The following AKAP8 variants were observed in gnomAD, a reference collection of about 807,000 sequenced individuals.
AKAP8 encodes the protein A-kinase anchor protein 8.
In AKAP8, 24 loss-of-function variants were observed where a neutral mutation model predicts 67.5. The observed-to-expected ratio is 0.36, with a 90% CI of 0.26 to 0.50. AKAP8 has a LOEUF of 0.50. Among genes scored for constraint, AKAP8 ranks in the 20% least tolerant of loss-of-function variants. The pLI is 0.97. For missense variants in AKAP8, 971 were observed against 955.9 expected (o/e 1.02, Z -0.21); for synonymous variants, 400 against 371.1 (o/e 1.08, Z -0.90).
In AKAP8 at chr19:15,354,925, G is replaced by A. The variant is rs765056046; in HGVS notation, c.2069C>T (p.Pro690Leu). Residue 690 changes from proline (P) to leucine (L), a missense_variant, in exon 14 of 14, where the codon CCC (proline) becomes CTC (leucine). Around this residue, in one of 3 missense-constraint regions of AKAP8, gnomAD observed 204 missense variants for 193.0 expected, o/e 1.06. Transcript: ENST00000269701. ...ACAGGGAAATGAGCATCATTCTGTGGGAACAGCGTCTTTAGACTCTGCATC... is the reference window on the plus strand; with the variant it reads ...ACAGGGAAATGAGCATCATTCTGTGAGAACAGCGTCTTTAGACTCTGCATC... ...QTDAESKDAV[P>L]TE 6.2e-7 allele frequency: 1 copy of A among 1,613,550 alleles called. No individual in the cohort carries two copies. The highest frequency in any genetic ancestry group is 8.5e-7 in the Non-Finnish European group (1 of 1,179,646).
chr19:15,366,084 TTC>T (rs374502491), intron 9 of AKAP8, among the ~76,000 whole-genome samples: 9 of 63,956 alleles, frequency 1.4e-4, no homozygotes, highest in East Asian at 1.0e-3. Context: ...CTCTGAAGGT[TTC>T]TTTTTTTTTT....
chr19:15,364,158 CTTTT>C (rs34132091), intron 9 of AKAP8, among the ~76,000 whole-genome samples: 3 of 42,558 alleles, frequency 7.0e-5, no homozygotes, highest in African/African-American at 2.0e-4. Flanking sequence ...TTTTTCTTTC[CTTTT>C]TTTTTTTTTT....
intron 13 of AKAP8, 105 bp downstream of exon 13, chr19:15,358,862 G>A: frequency 9.6e-7 from 1 of 1,044,196 alleles, no homozygotes; most frequent in African/African-American, 1.6e-5. Context: ...ACTGTCAAAA[G>A]ACTCAGAAAT....
intron 1 of AKAP8, chr19:15,379,508 G>A (rs1344640924): frequency 5.8e-6 from 3 of 515,826 alleles, no homozygotes; most frequent in East Asian, 7.2e-5. Context: ...TCGGGGCCTG[G>A]CGGCCAATCC....
intron 13 of AKAP8, among the ~76,000 whole-genome samples, chr19:15,357,211 G>A (rs1050995696): frequency 1.4e-4 from 21 of 150,860 alleles, no homozygotes; most frequent in Non-Finnish European, 2.4e-4. Context: ...CACCCGCCTC[G>A]GCCTCCCAAA....
intron 8 of AKAP8, chr19:15,368,895 C>T (rs904994682): frequency 1.5e-5 from 15 of 985,164 alleles, no homozygotes; most frequent in South Asian, 4.7e-5. Flanking sequence ...CCCAGGGCTG[C>T]GTGGGAAGCA....
In AKAP8 at chr19:15,370,625, C is replaced by CTTTTTTTTT. The variant is rs71176407; in HGVS notation, c.1039-455_1039-447dup. 1.6e-4 allele frequency among the ~76,000 whole-genome samples: 13 copies of CTTTTTTTTT among 80,966 alleles called. 1 individual carries two copies. Among genetic ancestry groups the CTTTTTTTTT allele is most frequent in the East Asian group, 8.3e-4 (2 of 2,416 alleles). 53.1% of individuals were successfully genotyped at this position (80,966 alleles called of 152,430 possible). Reference sequence around the variant, plus strand: ...GCTTTTGTTTATATTTACCCAATGTCTTTTTTTTTTTTTTTTTTTTTTTTG... The same window carrying CTTTTTTTTT: ...GCTTTTGTTTATATTTACCCAATGTCTTTTTTTTTTTTTTTTTTTTTTTTTTTTTTTTTG... On this transcript the variant is annotated intron_variant, in intron 7 of 13. Transcript: ENST00000269701.
chr19:15,363,887 C>T (rs1020666615), intron 9 of AKAP8, among the ~76,000 whole-genome samples: 3 of 151,226 alleles, frequency 2.0e-5, no homozygotes, highest in African/African-American at 4.9e-5. Flanking sequence ...GAAACATGTG[C>T]TGTGTCCACT....
chr19:15,374,508 G>A (rs1344916026), intron 3 of AKAP8, 95 bp downstream of exon 3: 7 of 1,442,242 alleles, frequency 4.9e-6, no homozygotes, highest in Non-Finnish European at 4.7e-6. Context: ...GAGCCAGAAA[G>A]TCCACGCCAG....
chr19:15,362,274 G>T (rs1555754083), intron 9 of AKAP8, 23 bp from the exon 10 acceptor site: 2 of 1,613,576 alleles, frequency 1.2e-6, no homozygotes, highest in South Asian at 2.2e-5. Flanking sequence ...AACAAGGAGG[G>T]GAGTGAAGCA....
intron 11 of AKAP8, chr19:15,361,471 C>T: frequency 2.7e-6 from 1 of 367,520 alleles, no homozygotes; most frequent in Non-Finnish European, 5.1e-6. Flanking sequence ...CTGCCTCAGC[C>T]TCCCAAGTAG....
chr19:15,378,400 T>A (rs1236817219), intron 1 of AKAP8, among the ~76,000 whole-genome samples: 1 of 151,796 alleles, frequency 6.6e-6, no homozygotes, highest in Non-Finnish European at 1.5e-5. Flanking sequence ...CTTAACTATC[T>A]CCAGTGTGTC....
rs1333709751 is a variant in AKAP8, at chr19:15,374,167, CG to C, written c.92-103del. On this transcript the variant is annotated intron_variant, in intron 3 of 13. Coordinates refer to ENST00000269701, the MANE Select transcript of AKAP8 (RefSeq NM_005858.4). ...CACCCGCTGCCACGGAGAAGGAAAACGGGTGTGGGACCCAGTGCTGCTGGCA... is the reference window on the plus strand; with the variant it reads ...CACCCGCTGCCACGGAGAAGGAAAACGGTGTGGGACCCAGTGCTGCTGGCA... 17 of 1,360,194 alleles carry C rather than the reference CG, an allele frequency of 1.2e-5. No homozygotes were observed. The Admixed American group carries it at 4.3e-4, about 34-fold the overall frequency. 84.3% of individuals were successfully genotyped at this position (1,360,194 alleles called of 1,614,324 possible). A position where few individuals can be genotyped will look rare whatever the true frequency, so the allele number is the denominator to read the frequency against.
intron 7 of AKAP8, among the ~76,000 whole-genome samples, chr19:15,371,356 G>A (rs778276789): frequency 2.6e-5 from 4 of 152,202 alleles, no homozygotes; most frequent in Non-Finnish European, 4.4e-5. Context: ...CACCCGGCAC[G>A]GAGCTGGCGG....
At chr19:15,368,131 G>C (rs1221707545) in intron 9 of AKAP8, 104 bp downstream of exon 9, 3 of 1,489,412 alleles carry the variant, frequency 2.0e-6, no homozygotes, top group East Asian at 2.3e-5. Flanking sequence ...AGAGGAGTCA[G>C]GCCACCAGGC....
chr19:15,363,585 C>T (rs1433512684), intron 9 of AKAP8, among the ~76,000 whole-genome samples: 4 of 150,358 alleles, frequency 2.7e-5, no homozygotes, highest in African/African-American at 4.9e-5. Flanking sequence ...AGGTGAGGGG[C>T]GCCTCTGCCC....
rs562288447 is a variant in AKAP8, at chr19:15,369,330, G to C, written c.1072+816C>G. ...GCTGCGGGTCGCGGGGGGGAGGACC[G>C]CAGAGGGCTGGCAAAGCCTGAACAG... On this transcript the variant is annotated intron_variant, in intron 8 of 13. Coordinates refer to ENST00000269701, the MANE Select transcript of AKAP8 (RefSeq NM_005858.4). This position sits in a 1 kb window ranked among gnomAD's most constrained non-coding sequence, Gnocchi z 4.6. 1.1e-6 allele frequency: 1 copy of C among 914,048 alleles called. No individual in the cohort carries two copies. Among genetic ancestry groups the C allele is most frequent in the African/African-American group, 1.8e-5 (1 of 55,712 alleles). 56.6% of individuals were successfully genotyped at this position (914,048 alleles called of 1,614,324 possible).
Position 15,362,093 on chromosome 19 carries a change from G to A in AKAP8, c.1302+17C>T, listed in dbSNP as rs375685810. 6.2e-6 allele frequency: 10 copies of A among 1,612,988 alleles called. No homozygotes were observed. The highest frequency in any genetic ancestry group is 2.2e-5 in the East Asian group (1 of 44,890). On this transcript the variant is annotated intron_variant, in intron 10 of 13. Coordinates refer to ENST00000269701, the MANE Select transcript of AKAP8 (RefSeq NM_005858.4). Reference sequence around the variant, plus strand: ...GATGGGCAAGAGACGCGGTGACGGGGCCCAGGTTTCCTTTACCTGGAGGAA... The same window carrying A: ...GATGGGCAAGAGACGCGGTGACGGGACCCAGGTTTCCTTTACCTGGAGGAA...
In AKAP8 at chr19:15,372,910, C is replaced by T. The variant is rs1359501907; in HGVS notation, c.802G>A (p.Asp268Asn). The T allele has an allele frequency of 6.6e-7, 1 of 1,520,108 alleles. No homozygotes were observed. The highest frequency in any genetic ancestry group is 8.8e-7 in the Non-Finnish European group (1 of 1,134,758). The allele number at this position is 1,520,108 out of a possible 1,614,324, so 94.2% of individuals were successfully genotyped here. The change falls in exon 5 of 14, where the codon GAC (aspartate) becomes AAC (asparagine). Residue 268 changes from aspartate (D) to asparagine (N), a missense_variant. Asp to Asn is a conservative substitution (Grantham distance 23, BLOSUM62 1). This residue lies in a region of AKAP8 where 763 missense variants were observed against 745.4 expected (regional missense o/e 1.02). Transcript: ENST00000269701. ...VMGMQGAGGY[D>N]STMPYGCGRS... Reference sequence around the variant, plus strand: ...CCACATCCGTAGGGCATGGTGCTGTCATAGCCGCCCGCCCCCTGCATGCCC... The same window carrying T: ...CCACATCCGTAGGGCATGGTGCTGTTATAGCCGCCCGCCCCCTGCATGCCC...
Sources: gnomAD v4.1 joint callset for allele counts (sites outside exome capture counted in the v4.1 genomes callset) on GRCh38, gnomAD v4.1.1 for gene constraint, gnomAD v4.1.1 regional missense constraint, Gnocchi (gnomAD v3.1) non-coding constraint, MANE v1.5 for transcripts, NCBI Gene and HGNC (gene_info 2026-07-23, HGNC 2026-07-21) for gene names.